KIAA0232: variants seen among roughly 807,000 people sequenced by gnomAD.
KIAA0232 encodes the protein uncharacterized protein KIAA0232.
In KIAA0232, 27 loss-of-function variants were observed where a neutral mutation model predicts 122.0. The observed-to-expected ratio is 0.22, with a 90% CI of 0.16 to 0.31. The LOEUF (loss-of-function observed/expected upper bound fraction) is 0.31. KIAA0232 is among the 10% of genes least tolerant of loss of function. The pLI is 1.00. For missense variants in KIAA0232, 1,551 were observed against 1,634.2 expected, an observed-to-expected ratio of 0.95 and a Z score of 0.88; for synonymous variants, 613 against 587.6, an observed-to-expected ratio of 1.04 and a Z score of -0.63.
rs564344807 is a variant in KIAA0232 at position 6,882,562 on chromosome 4, G to A, written c.*1596G>A. 6 of 151,720 alleles carry A rather than the reference G, an allele frequency of 4.0e-5. No homozygotes were observed. Among genetic ancestry groups the A allele is most frequent in the Admixed American group, 3.3e-4 (5 of 15,222 alleles). 9.4% of individuals were successfully genotyped at this position (151,720 alleles called of 1,614,324 possible). A position where few individuals can be genotyped will look rare whatever the true frequency, so the allele number is the denominator to read the frequency against. ...AGGGACCTGGTGTGCCCGCCGGGTC[G>A]ATCTTCCCACGTGTTAGGGTTTATT... On this transcript the variant is annotated 3_prime_UTR_variant, in exon 10 of 10. Coordinates refer to ENST00000307659, the MANE Select transcript of KIAA0232 (RefSeq NM_014743.3).
intron 4 of KIAA0232, among the ~76,000 whole-genome samples, chr4:6,844,768 A>G (rs916765393): frequency 5.3e-5 from 8 of 152,178 alleles, no homozygotes; most frequent in African/African-American, 1.9e-4. Flanking sequence ...GTTGCTTCAT[A>G]CAGCATGGGA....
At chr4:6,860,337 C>G (rs1262680470) in intron 6 of KIAA0232, among the ~76,000 whole-genome samples, 2 of 152,180 alleles carry the variant, frequency 1.3e-5, no homozygotes, top group African/African-American at 4.8e-5. Context: ...GCTAGTAAAG[C>G]AGGCAGAGCC....
Position 6,834,624 on chromosome 4 carries a change from C to T in KIAA0232, c.232-7443C>T, listed in dbSNP as rs146432005. Among the ~76,000 whole-genome samples, 465 of 152,256 alleles carry T rather than the reference C, an allele frequency of 3.1e-3. 2 individuals carry two copies. The highest frequency in any genetic ancestry group is 0.011 in the African/African-American group (443 of 41,542). ...AGCAAACATGGTCACTATAATATTTCTGGATGTAATTATTACCTTTGACAC... is the reference window on the plus strand; with the variant it reads ...AGCAAACATGGTCACTATAATATTTTTGGATGTAATTATTACCTTTGACAC... On this transcript the variant is annotated intron_variant, in intron 3 of 9. Transcript: ENST00000307659.
intron 8 of KIAA0232, among the ~76,000 whole-genome samples, chr4:6,872,291 G>A: frequency 6.6e-6 from 1 of 152,322 alleles, no homozygotes; most frequent in East Asian, 1.9e-4. Flanking sequence ...GGAGGCATAC[G>A]CTAAAGGTCT....
chr4:6,822,478 A>G (rs1560174410), intron 2 of KIAA0232, among the ~76,000 whole-genome samples: 1 of 152,182 alleles, frequency 6.6e-6, no homozygotes, highest in Non-Finnish European at 1.5e-5. Context: ...AACATTTATT[A>G]ACAATACTTT....
Position 6,871,649 on chromosome 4 carries a change from T to A in KIAA0232, c.3877T>A (p.Tyr1293Asn). The A allele has an allele frequency of 6.2e-7, 1 of 1,611,054 alleles. No individual in the cohort carries two copies. The highest frequency in any genetic ancestry group is 8.5e-7 in the Non-Finnish European group (1 of 1,177,230). The part of the protein sequence containing the change: ...EKQTWWEKAL[Y>N]SPLFPASECE... The stretch of plus-strand genomic sequence containing the variant: ...ACAGACCTGGTGGGAAAAAGCCTTG[T>A]ACTCTCCTCTTTTTCCTGCATCAGA... The change falls in exon 8 of 10, where the codon TAC becomes AAC. Residue 1293 changes from tyrosine to asparagine, a missense_variant. Around this residue, in one of 5 missense-constraint regions of KIAA0232, gnomAD observed 1,108 missense variants for 1,154.8 expected, o/e 0.96. Transcript: ENST00000307659.
chr4:6,816,384 G>A (rs765958735), intron 2 of KIAA0232, among the ~76,000 whole-genome samples: 3 of 151,260 alleles, frequency 2.0e-5, no homozygotes, highest in Non-Finnish European at 2.9e-5. Flanking sequence ...CCGGGTTCAC[G>A]CCATTCTCCT....
At chr4:6,794,173 G>T (rs1484787379) in intron 1 of KIAA0232, among the ~76,000 whole-genome samples, 2 of 152,314 alleles carry the variant, frequency 1.3e-5, no homozygotes, top group African/African-American at 4.8e-5. Context: ...GAGTGGCTAG[G>T]AACAGCCTCA....
chr4:6,863,051 AAG>A lies in KIAA0232; in HGVS notation c.2674_2675del (p.Ser892ProfsTer9), dbSNP rs778924569. ...GAGTACCATCTGTGGGAGGGACAGA[AAG>A]AGAGCCTGGAGAAAAGAGCATTTGC... On this transcript the variant is annotated frameshift_variant, in exon 7 of 10. Coordinates refer to ENST00000307659, the MANE Select transcript of KIAA0232 (RefSeq NM_014743.3). LOFTEE classifies it high-confidence loss of function. 6.2e-7 allele frequency: 1 copy of A among 1,614,234 alleles called. No individual in the cohort carries two copies. The highest frequency in any genetic ancestry group is 8.5e-7 in the Non-Finnish European group (1 of 1,180,034).
chr4:6,809,694 CA>C (rs1231012080), intron 2 of KIAA0232, among the ~76,000 whole-genome samples: 1 of 151,754 alleles, frequency 6.6e-6, no homozygotes, highest in Non-Finnish European at 1.5e-5. Flanking sequence ...AAGACTCCAC[CA>C]AAAAACCTCC....
In KIAA0232 at chr4:6,822,813, A is replaced by G. The variant is rs547754580; in HGVS notation, c.-269-1372A>G. On this transcript the variant is annotated intron_variant, in intron 2 of 9. Transcript: ENST00000307659. ...ATTATTATACTTTAAGTTTTAGGGT[A>G]CATGTGCACAGTGTGCAGGTTAGTT... Among the ~76,000 whole-genome samples the G allele has an allele frequency of 1.5e-4, 23 of 150,968 alleles. No homozygotes were observed. In the South Asian group the frequency reaches 4.8e-3, roughly 32 times the overall value.
intron 1 of KIAA0232, among the ~76,000 whole-genome samples, chr4:6,783,136 G>C (rs1182782080): frequency 6.6e-6 from 1 of 151,432 alleles, no homozygotes; most frequent in Non-Finnish European, 1.5e-5. Flanking sequence ...GGCCGCCGCT[G>C]ATGGCTCCGG....
intron 4 of KIAA0232, among the ~76,000 whole-genome samples, chr4:6,843,892 G>A (rs1360654300): frequency 7.1e-6 from 1 of 141,270 alleles, no homozygotes; most frequent in Non-Finnish European, 1.5e-5. Flanking sequence ...TCATTTGACT[G>A]TGCTCACTGG....
At chr4:6,867,279 T>C (rs1015363375) in intron 7 of KIAA0232, among the ~76,000 whole-genome samples, 2 of 151,956 alleles carry the variant, frequency 1.3e-5, no homozygotes, top group South Asian at 2.1e-4. Context: ...CCTGTGAAGG[T>C]TGAGGAAGGT....
chr4:6,871,136 A>G (rs1266237883), intron 7 of KIAA0232, among the ~76,000 whole-genome samples: 1 of 152,122 alleles, frequency 6.6e-6, no homozygotes, highest in Non-Finnish European at 1.5e-5. Context: ...AGAACATTAT[A>G]AAAACTCACC....
intron 1 of KIAA0232, among the ~76,000 whole-genome samples, chr4:6,797,076 T>G (rs143836273): frequency 9.2e-5 from 14 of 152,348 alleles, no homozygotes; most frequent in East Asian, 3.9e-4. Context: ...TGTTTTTTCT[T>G]TAGACATTAT....
rs76983377 is a variant in KIAA0232, at chr4:6,880,328, T to G, written c.4009-459T>G. Among the ~76,000 whole-genome samples, 445 of 117,336 alleles carry G rather than the reference T, an allele frequency of 3.8e-3. 11 individuals are homozygous for G. The highest frequency in any genetic ancestry group is 0.022 in the East Asian group (45 of 2,014). The allele number at this position is 117,336 out of a possible 152,430, so 77.0% of individuals were successfully genotyped here. A position where few individuals can be genotyped will look rare whatever the true frequency, so the allele number is the denominator to read the frequency against. ...AGGTCTGTAGTGTCGCCTCACCATC[T>G]GTACTGTGTCACTGCAAACTCCCTT... On this transcript the variant is annotated intron_variant, in intron 9 of 9. Coordinates refer to ENST00000307659, the MANE Select transcript of KIAA0232 (RefSeq NM_014743.3).
intron 3 of KIAA0232, among the ~76,000 whole-genome samples, chr4:6,836,781 T>TC (rs1318793005): frequency 6.6e-6 from 1 of 152,106 alleles, no homozygotes; most frequent in Admixed American, 6.5e-5. Flanking sequence ...AAGCCTCTGT[T>TC]TAACAAAGCA....
intron 2 of KIAA0232, among the ~76,000 whole-genome samples, chr4:6,806,214 ATCTAATTGG>A (rs890487237): frequency 2.6e-5 from 4 of 152,220 alleles, no homozygotes; most frequent in African/African-American, 4.8e-5. Flanking sequence ...GAATTTTGAC[ATCTAATTGG>A]TCTAAGTGAA....
Sources: gnomAD v4.1 joint callset for allele counts (sites outside exome capture counted in the v4.1 genomes callset) on GRCh38, gnomAD v4.1.1 for gene constraint, gnomAD v4.1.1 regional missense constraint, MANE v1.5 for transcripts, NCBI Gene and HGNC (gene_info 2026-07-23, HGNC 2026-07-21) for gene names.